The following PLCB1 variants were observed in gnomAD, a reference collection of about 807,000 sequenced individuals.
The protein encoded by PLCB1 is phospholipase C beta 1.
Under a neutral mutation model 161.8 loss-of-function variants are expected in PLCB1, and 46 were observed. The observed-to-expected ratio is 0.28, with a 90% confidence interval of 0.22 to 0.36. The LOEUF (loss-of-function observed/expected upper bound fraction) is 0.36. Ranked by LOEUF, PLCB1 falls within the 10% of genes least tolerant of loss-of-function variation. The probability of loss-of-function intolerance (pLI) is 1.00; values close to 1 mark genes in which losing one functional copy is unlikely to be tolerated. For missense variants in PLCB1, 1,016 were observed against 1,472.5 expected (o/e 0.69, Z 5.07); for synonymous variants, 517 against 503.7 (o/e 1.03, Z -0.35).
rs559484547 is a variant in PLCB1, at chr20:8,876,471, G to A, written c.3424-5151G>A. ...TTTGAGGCCACAGCAATGAAAGGAT[G>A]GGGCCAGCTGTGTTAGCTTATGAGT... On this transcript the variant is annotated intron_variant, in intron 31 of 31. Transcript: ENST00000338037. Among the ~76,000 whole-genome samples, 3 of 152,252 alleles carry A rather than the reference G, an allele frequency of 2.0e-5. No individual in the cohort carries two copies. The South Asian group carries it at 6.2e-4, about 32-fold the overall frequency.
chr20:8,251,247 A>T (rs1981124855), intron 2 of PLCB1, among the ~76,000 whole-genome samples: 1 of 151,952 alleles, frequency 6.6e-6, no homozygotes, highest in Admixed American at 6.6e-5. Flanking sequence ...TCTTAATACG[A>T]TCACAGTGGG....
chr20:8,647,090 C>G (rs1368352734), intron 5 of PLCB1, among the ~76,000 whole-genome samples: 1 of 152,238 alleles, frequency 6.6e-6, no homozygotes, highest in East Asian at 1.9e-4. Context: ...TATGGGATCG[C>G]CTCCTCTCCT....
At chr20:8,782,118 C>T (rs988658241) in intron 27 of PLCB1, among the ~76,000 whole-genome samples, 4 of 152,066 alleles carry the variant, frequency 2.6e-5, no homozygotes, top group Non-Finnish European at 4.4e-5. Flanking sequence ...TTCTATTTAG[C>T]TATGGAAATT....
At chr20:8,536,610 C>A (rs890813596) in intron 3 of PLCB1, among the ~76,000 whole-genome samples, 1 of 152,138 alleles carries the variant, frequency 6.6e-6, no homozygotes, top group Non-Finnish European at 1.5e-5. Context: ...TCATCACTCA[C>A]CGGCCCCATA....
At chr20:8,625,729 T>C (rs769294643) in intron 3 of PLCB1, among the ~76,000 whole-genome samples, 94 of 152,302 alleles carry the variant, frequency 6.2e-4, no homozygotes, top group Middle Eastern at 3.4e-3. Flanking sequence ...AATTTTTTTT[T>C]CCCAAATGTT....
At chr20:8,622,255 G>GAAAAAAAA (rs564055950) in intron 3 of PLCB1, among the ~76,000 whole-genome samples, 1 of 116,534 alleles carries the variant, frequency 8.6e-6, no homozygotes, top group Non-Finnish European at 1.8e-5. Flanking sequence ...TCTGCCTCAG[G>GAAAAAAAA]AAAAAAAAAA....
At chr20:8,739,229 A>G in intron 20 of PLCB1, 32 bp from the exon 21 acceptor site, 4 of 1,202,606 alleles carry the variant, frequency 3.3e-6, no homozygotes, top group Non-Finnish European at 5.0e-6. Flanking sequence ...GTTCATTCTT[A>G]TAACCAGGTG....
chr20:8,463,477 G>T (rs6086459), intron 3 of PLCB1, among the ~76,000 whole-genome samples: 42,794 of 151,846 alleles, frequency 0.28, 7,096 homozygotes, highest in East Asian at 0.55. Flanking sequence ...TTTAAAAAAA[G>T]AATCATACTG....
At chr20:8,835,890 T>C (rs552818768) in intron 31 of PLCB1, among the ~76,000 whole-genome samples, 2 of 112,422 alleles carry the variant, frequency 1.8e-5, no homozygotes, top group East Asian at 1.0e-3. Flanking sequence ...ACAATAACCA[T>C]GTTACTGCTC....
intron 31 of PLCB1, among the ~76,000 whole-genome samples, chr20:8,817,989 T>A (rs6039282): frequency 0.026 from 4,025 of 152,246 alleles, 167 homozygotes; most frequent in African/African-American, 0.092. Context: ...AAATTTTTAG[T>A]GATCTATATA....
At chr20:8,610,551 T>C (rs1987878316) in intron 3 of PLCB1, among the ~76,000 whole-genome samples, 1 of 152,196 alleles carries the variant, frequency 6.6e-6, no homozygotes, top group African/African-American at 2.4e-5. Context: ...CTTAAGGAGT[T>C]GCAAACTGTT....
chr20:8,137,659 G>T (rs963110669), intron 1 of PLCB1, among the ~76,000 whole-genome samples: 2 of 152,096 alleles, frequency 1.3e-5, no homozygotes, highest in Non-Finnish European at 2.9e-5. Context: ...TGTCCAGCTG[G>T]ATCCATTTTC....
chr20:8,370,149 G>A (rs1165356761), intron 2 of PLCB1, among the ~76,000 whole-genome samples: 1 of 152,160 alleles, frequency 6.6e-6, no homozygotes, highest in Non-Finnish European at 1.5e-5. Context: ...AGGAATCATA[G>A]TTAGGACATC....
intron 3 of PLCB1, among the ~76,000 whole-genome samples, chr20:8,547,502 A>G (rs1985596619): frequency 6.6e-6 from 1 of 152,176 alleles, no homozygotes; most frequent in South Asian, 2.1e-4. Context: ...GCAAGCAAGG[A>G]ACTTAGACAG....
At chr20:8,657,600 G>T (rs538378268) in intron 8 of PLCB1, among the ~76,000 whole-genome samples, 2 of 151,994 alleles carry the variant, frequency 1.3e-5, no homozygotes, top group Non-Finnish European at 2.9e-5. Flanking sequence ...GACTCATGTC[G>T]CAGGAAGAAC....
At chr20:8,797,595 T>A (rs547616429) in intron 31 of PLCB1, among the ~76,000 whole-genome samples, 2 of 152,332 alleles carry the variant, frequency 1.3e-5, no homozygotes, top group East Asian at 1.9e-4. Flanking sequence ...ACTGAGTGTT[T>A]AATTTCAGGT....
chr20:8,737,226 G>C, intron 20 of PLCB1, 34 bp downstream of exon 20: 2 of 1,533,578 alleles, frequency 1.3e-6, no homozygotes, highest in East Asian at 4.5e-5. Flanking sequence ...AGTTATAACT[G>C]CATTTTTCAG....
At chr20:8,486,746 C>G (rs1009392570) in intron 3 of PLCB1, among the ~76,000 whole-genome samples, 1 of 151,972 alleles carries the variant, frequency 6.6e-6, no homozygotes, top group African/African-American at 2.4e-5. Context: ...CCACCCGCCT[C>G]GGCCTCCCAA....
chr20:8,154,603 A>C (rs2051541212), intron 2 of PLCB1, among the ~76,000 whole-genome samples: 1 of 152,216 alleles, frequency 6.6e-6, no homozygotes, highest in Admixed American at 6.5e-5. Flanking sequence ...CCCAACCAAC[A>C]GTAATAGGAA....
Sources: allele counts gnomAD v4.1 joint callset (sites outside exome capture counted in the v4.1 genomes callset), GRCh38; gene constraint gnomAD v4.1.1; transcripts MANE v1.5; gene names NCBI Gene and HGNC (gene_info 2026-07-23, HGNC 2026-07-21).